ADGRB3: variants seen among roughly 807,000 people sequenced by gnomAD.
ADGRB3 encodes the protein adhesion G protein-coupled receptor B3.
ADGRB3 carries 37 observed loss-of-function variants against 193.4 expected under a neutral mutation model. That is an observed-to-expected ratio of 0.19 (90% confidence interval 0.15 to 0.25). The LOEUF (loss-of-function observed/expected upper bound fraction) is 0.25. ADGRB3 is among the 10% of genes least tolerant of loss of function. ADGRB3 has a pLI of 1.00. For missense variants in ADGRB3, 1,637 were observed against 1,852.9 expected (o/e 0.88, Z 2.14); for synonymous variants, 690 against 644.2 (o/e 1.07, Z -1.08).
intron 3 of ADGRB3, among the ~76,000 whole-genome samples, chr6:68,901,824 G>A (rs1476226856): frequency 6.6e-6 from 1 of 151,980 alleles, no homozygotes; most frequent in African/African-American, 2.4e-5. Context: ...TAGGGAAGAC[G>A]CAAAAAGTAA....
rs371552249 is a variant in ADGRB3 at position 69,164,294 on chromosome 6, G to T, written c.2481-68996G>T. Among the ~76,000 whole-genome samples the T allele has an allele frequency of 9.2e-5, 14 of 151,758 alleles. No homozygotes were observed. In the South Asian group the frequency reaches 2.7e-3, roughly 29 times the overall value. ...ATGGCAGGCACTGAATATATTTGCT[G>T]AATGAAGGGAGACAGGAAACCCAAA... On this transcript the variant is annotated intron_variant, in intron 17 of 31. Coordinates refer to ENST00000370598, the MANE Select transcript of ADGRB3 (RefSeq NM_001704.3).
chr6:69,342,850 T>G (rs2127321482), intron 26 of ADGRB3, among the ~76,000 whole-genome samples: 1 of 152,218 alleles, frequency 6.6e-6, no homozygotes, highest in Admixed American at 6.6e-5. Flanking sequence ...TCCTGTGGAC[T>G]TTTCTTTCTT....
At chr6:69,325,720 A>T (rs2127309573) in intron 21 of ADGRB3, among the ~76,000 whole-genome samples, 1 of 152,352 alleles carries the variant, frequency 6.6e-6, no homozygotes, top group African/African-American at 2.4e-5. Flanking sequence ...GAAGACTGGC[A>T]TATGGGATGC....
intron 8 of ADGRB3, among the ~76,000 whole-genome samples, chr6:68,972,434 G>T (rs962355794): frequency 6.6e-6 from 1 of 152,010 alleles, no homozygotes; most frequent in Non-Finnish European, 1.5e-5. Flanking sequence ...GGAGGGTTTG[G>T]AGCACCTGGC....
intron 17 of ADGRB3, among the ~76,000 whole-genome samples, chr6:69,204,946 G>A (rs912050182): frequency 1.5e-4 from 23 of 152,196 alleles, no homozygotes; most frequent in African/African-American, 5.1e-4. Context: ...ATCATACTGT[G>A]CCTGTTAAGA....
chr6:68,783,990 G>T (rs1225566844), intron 3 of ADGRB3, among the ~76,000 whole-genome samples: 1 of 152,020 alleles, frequency 6.6e-6, no homozygotes, highest in Non-Finnish European at 1.5e-5. Context: ...CTTAATAAGA[G>T]ACTGGAGATA....
intron 16 of ADGRB3, among the ~76,000 whole-genome samples, chr6:69,074,008 T>C (rs1772154943): frequency 6.6e-6 from 1 of 152,210 alleles, no homozygotes; most frequent in Non-Finnish European, 1.5e-5. Flanking sequence ...CCAAAGTCTA[T>C]TATTTAAGAG....
chr6:69,270,874 T>A (rs1367786910), intron 20 of ADGRB3, among the ~76,000 whole-genome samples: 1 of 152,230 alleles, frequency 6.6e-6, no homozygotes, highest in Non-Finnish European at 1.5e-5. Flanking sequence ...TTATGGTATA[T>A]GTGACCAGCA....
intron 30 of ADGRB3, among the ~76,000 whole-genome samples, chr6:69,373,058 A>G (rs1769739711): frequency 6.6e-6 from 1 of 151,996 alleles, no homozygotes; most frequent in South Asian, 2.1e-4. Context: ...GTTTACTCGA[A>G]ATTACTGAAA....
chr6:68,936,974 T>C (rs1337161135), intron 5 of ADGRB3, among the ~76,000 whole-genome samples: 1 of 152,212 alleles, frequency 6.6e-6, no homozygotes, highest in Non-Finnish European at 1.5e-5. Flanking sequence ...TTTTAGATGG[T>C]GAAAATGTTC....
At chr6:69,040,719 A>ATT (rs1266134687) in intron 13 of ADGRB3, among the ~76,000 whole-genome samples, 107 of 134,510 alleles carry the variant, frequency 8.0e-4, no homozygotes, top group African/African-American at 2.9e-3. Flanking sequence ...ACAAACAAGA[A>ATT]TTTGAAGTTG....
intron 3 of ADGRB3, 23 bp from the exon 4 acceptor site, chr6:68,930,536 A>G (rs1432266075): frequency 1.3e-6 from 2 of 1,535,702 alleles, no homozygotes; most frequent in East Asian, 2.3e-5. Flanking sequence ...ACAAGCTTTC[A>G]TATACCTTTA....
intron 17 of ADGRB3, among the ~76,000 whole-genome samples, chr6:69,197,727 T>C (rs1303030465): frequency 2.0e-5 from 3 of 152,038 alleles, no homozygotes; most frequent in Non-Finnish European, 4.4e-5. Flanking sequence ...TTATAAATAT[T>C]ATCAAGTGTA....
intron 13 of ADGRB3, among the ~76,000 whole-genome samples, chr6:69,031,059 CTCTT>C (rs1562128931): frequency 0.012 from 488 of 41,076 alleles, 59 homozygotes; most frequent in Middle Eastern, 0.02. Context: ...CTCTTCTCTT[CTCTT>C]CTCTTCTCTT....
intron 3 of ADGRB3, among the ~76,000 whole-genome samples, chr6:68,816,549 T>C (rs1002712038): frequency 1.7e-4 from 26 of 152,054 alleles, no homozygotes; most frequent in African/African-American, 6.3e-4. Flanking sequence ...TTTATCTTTC[T>C]CTAAATGCCT....
At chr6:69,338,851 A>G in intron 24 of ADGRB3, 65 bp from the exon 25 acceptor site, 2 of 1,422,470 alleles carry the variant, frequency 1.4e-6, no homozygotes, top group African/African-American at 1.4e-5. Context: ...AACTTGAAGC[A>G]GCAATTTTTT....
chr6:69,048,461 A>T, intron 14 of ADGRB3, 127 bp downstream of exon 14: 1 of 1,001,152 alleles, frequency 1.0e-6, no homozygotes, highest in Non-Finnish European at 1.4e-6. Context: ...TTTTAAACTA[A>T]TTTTCTAAAT....
At chr6:69,001,772 G>T (rs1769586082) in intron 11 of ADGRB3, among the ~76,000 whole-genome samples, 1 of 152,158 alleles carries the variant, frequency 6.6e-6, no homozygotes. Flanking sequence ...TCTCTACCCA[G>T]GCATGTTCCT....
chr6:68,783,120 T>C (rs1766890314), intron 3 of ADGRB3, among the ~76,000 whole-genome samples: 1 of 151,656 alleles, frequency 6.6e-6, no homozygotes, highest in Admixed American at 6.6e-5. Flanking sequence ...TATAGTTTAT[T>C]ATTTAACCCT....
Sources: allele counts gnomAD v4.1 joint callset (sites outside exome capture counted in the v4.1 genomes callset), GRCh38; gene constraint gnomAD v4.1.1; transcripts MANE v1.5; gene names NCBI Gene and HGNC (gene_info 2026-07-23, HGNC 2026-07-21).